Variants in B3GNT9 observed in about 807,000 individuals in gnomAD.
The protein encoded by B3GNT9 is UDP-GlcNAc:betaGal beta-1,3-N-acetylglucosaminyltransferase 9.
For synonymous variants in B3GNT9, 359 were observed against 283.9 expected (o/e 1.26, Z -2.66); for missense variants, 669 against 599.2 (o/e 1.12, Z -1.22).
In B3GNT9 at chr16:67,149,928, G is replaced by A. The variant is rs1237458249; in HGVS notation, c.558C>T (p.Ser186=). 1.9e-6 allele frequency: 3 copies of A among 1,595,906 alleles called. No individual in the cohort carries two copies. Among genetic ancestry groups the A allele is most frequent in the Non-Finnish European group, 2.6e-6 (3 of 1,171,384 alleles). Residue 186 remains serine (S), a synonymous_variant, in exon 2 of 2, where the codon AGC becomes AGT. Transcript: ENST00000449549. ...AGAGCAGGATGTCCGCATACGCAAG[G>A]CTCTCGGCCCGCAGCAGGGCGCGCC... ...THWRALLRAE[S]LAYADILLWA... is the part of the protein sequence containing the mutation.
In B3GNT9 at chr16:67,149,489, G is replaced by T. The variant is rs2145902793; in HGVS notation, c.997C>A (p.His333Asn). 1 of 1,608,596 alleles carries T rather than the reference G, an allele frequency of 6.2e-7. No homozygotes were observed. The highest frequency in any genetic ancestry group is 2.2e-5 in the East Asian group (1 of 44,594). ...ATGCCAAAGGTGCGGAAGGCAGGGT[G>T]AGGCTCGGGCGTGAGCCGCAGGCGC... ...LQRLRLTPEP[H>N]PAFRTFGIPQ... The change falls in exon 2 of 2, where the codon CAC (histidine) becomes AAC (asparagine). Residue 333 changes from histidine to asparagine, a missense_variant. Coordinates refer to ENST00000449549, the MANE Select transcript of B3GNT9 (RefSeq NM_033309.3).
rs2030402051 is a variant in B3GNT9, at chr16:67,150,018, C to T, written c.468G>A (p.Leu156=). The part of the protein sequence containing the change: ...QGALVRRVFL[L]GVPRGAGSGG... ...CCGAGCCTGCGCCCCTGGGCACGCC[C>T]AGCAAGAACACGCGGCGCACCAGCG... Residue 156 remains leucine, a synonymous_variant, in exon 2 of 2, where the codon CTG becomes CTA. Transcript: ENST00000449549. 2 of 1,523,780 alleles carry T rather than the reference C, an allele frequency of 1.3e-6. No individual in the cohort carries two copies. The highest frequency in any genetic ancestry group is 2.8e-5 in the African/African-American group (2 of 71,306). The allele number at this position is 1,523,780 out of a possible 1,614,324, so 94.4% of individuals were successfully genotyped here.
In B3GNT9 at chr16:67,149,743, G is replaced by A. The variant is rs1265439111; in HGVS notation, c.743C>T (p.Pro248Leu). 1 of 1,613,712 alleles carries A rather than the reference G, an allele frequency of 6.2e-7. No homozygotes were observed. The highest frequency in any genetic ancestry group is 1.3e-5 in the African/African-American group (1 of 75,056). Reference sequence around the variant, plus strand: ...GTCACCAGCAAGCAGGTCTTGCGCCGGGTCCCGCGGCGCCAGGAACTCCAG... The same window carrying A: ...GTCACCAGCAAGCAGGTCTTGCGCCAGGTCCCGCGGCGCCAGGAACTCCAG... ...NLLEFLAPRDPAQDLLAGDVI... is the reference protein window; with the variant it reads ...NLLEFLAPRDLAQDLLAGDVI... The change falls in exon 2 of 2, where the codon CCG becomes CTG. Residue 248 changes from proline (P) to leucine (L), a missense_variant. Coordinates refer to ENST00000449549, the MANE Select transcript of B3GNT9 (RefSeq NM_033309.3).
chr16:67,150,352 GC>G lies in B3GNT9; in HGVS notation c.133del (p.Ala45ArgfsTer160). On this transcript the variant is annotated frameshift_variant, in exon 2 of 2. Transcript: ENST00000449549. LOFTEE classifies it low-confidence loss of function (END_TRUNC). Reference protein sequence around the residue: ...TASAPRGRGRAAPRPTPGPRA... With the variant: ...TASAPRGRGRXAPRPTPGPRA... ...GGGTCCGGGGGTGGGCCTCGGTGCCGCCCTCCCTCGCCCTCGCGGCGCGCTC... is the reference window on the plus strand; with the variant it reads ...GGGTCCGGGGGTGGGCCTCGGTGCCGCCTCCCTCGCCCTCGCGGCGCGCTC... The G allele has an allele frequency of 7.4e-7, 1 of 1,351,216 alleles. No homozygotes were observed. The highest frequency in any genetic ancestry group is 9.5e-7 in the Non-Finnish European group (1 of 1,052,124). 83.7% of individuals were successfully genotyped at this position (1,351,216 alleles called of 1,614,324 possible). A position where few individuals can be genotyped will look rare whatever the true frequency, so the allele number is the denominator to read the frequency against.
rs756113022 is a variant in B3GNT9, at chr16:67,148,639, C to A, written c.*638G>T. 1 of 152,230 alleles carries A rather than the reference C, an allele frequency of 6.6e-6. No individual in the cohort carries two copies. Among genetic ancestry groups the A allele is most frequent in the Non-Finnish European group, 1.5e-5 (1 of 68,070 alleles). 9.4% of individuals were successfully genotyped at this position (152,230 alleles called of 1,614,324 possible). On this transcript the variant is annotated 3_prime_UTR_variant, in exon 2 of 2. Transcript: ENST00000449549. ...CAGGGGAAGACATTCCTTGGCTCCT[C>A]TGAGGGGATACAGCCTCCAGTGGGA... is the stretch of plus-strand genomic sequence containing the variant.
At position 67,150,000 on chromosome 16, in the gene B3GNT9, T is replaced by TGCGCCCCTGGGC; in HGVS notation, c.474_485dup (p.Pro159_Ala162dup). 3 of 1,534,012 alleles carry TGCGCCCCTGGGC rather than the reference T, an allele frequency of 2.0e-6. No homozygotes were observed. The highest frequency in any genetic ancestry group is 2.6e-6 in the Non-Finnish European group (3 of 1,139,572). On this transcript the variant is annotated inframe_insertion, in exon 2 of 2. Transcript: ENST00000449549. ...CAACTTCGTCGGCCCCGCCCGAGCC[T>TGCGCCCCTGGGC]GCGCCCCTGGGCACGCCCAGCAAGA...
Position 67,148,702 on chromosome 16 carries a change from G to C in B3GNT9, c.*575C>G, listed in dbSNP as rs908514321. On this transcript the variant is annotated 3_prime_UTR_variant, in exon 2 of 2. Transcript: ENST00000449549. Reference sequence around the variant, plus strand: ...TGTGTGAGTTCAGGAGGTGAGGAAAGACTAGGTAGGACCGTGCACTCATTT... The same window carrying C: ...TGTGTGAGTTCAGGAGGTGAGGAAACACTAGGTAGGACCGTGCACTCATTT... 11 of 152,260 alleles carry C rather than the reference G, an allele frequency of 7.2e-5. No homozygotes were observed. Among genetic ancestry groups the C allele is most frequent in the African/African-American group, 2.7e-4 (11 of 41,436 alleles). 9.4% of individuals were successfully genotyped at this position (152,260 alleles called of 1,614,324 possible).
rs2030439925 is a variant in B3GNT9, at chr16:67,150,509, T to TCCCC, written c.-28_-25dup. On this transcript the variant is annotated 5_prime_UTR_variant, in exon 2 of 2. Transcript: ENST00000449549. ...ATCTCCGCGCGGCCTGCGCCCTCCC[T>TCCCC]CCCCTGTAAGGGTCGCAGTCGGCAG... 2 of 1,274,218 alleles carry TCCCC rather than the reference T, an allele frequency of 1.6e-6. No individual in the cohort carries two copies. The highest frequency in any genetic ancestry group is 3.0e-4 in the Middle Eastern group (1 of 3,312). 78.9% of individuals were successfully genotyped at this position (1,274,218 alleles called of 1,614,324 possible).
Position 67,149,957 on chromosome 16 carries a change from G to A in B3GNT9, c.529C>T (p.His177Tyr), listed in dbSNP as rs745761887. 11 of 1,560,194 alleles carry A rather than the reference G, an allele frequency of 7.1e-6. No individual in the cohort carries two copies. The South Asian group carries it at 1.1e-4, about 15-fold the overall frequency. Residue 177 changes from histidine to tyrosine, a missense_variant, in exon 2 of 2, where the codon CAC becomes TAC. Physicochemically the swap from His to Tyr is moderately conservative, Grantham distance 83. Coordinates refer to ENST00000449549, the MANE Select transcript of B3GNT9 (RefSeq NM_033309.3). ...TCGGCCCGCAGCAGGGCGCGCCAGT[G>A]GGTTCGCGCGCCCTCCCCAACTTCG... ...ADEVGEGART[H>Y]WRALLRAESL...
chr16:67,149,993 C>T lies in B3GNT9; in HGVS notation c.493G>A (p.Gly165Ser). ...CCCTCCCCAACTTCGTCGGCCCCGC[C>T]CGAGCCTGCGCCCCTGGGCACGCCC... is the stretch of plus-strand genomic sequence containing the variant. ...LLGVPRGAGSGGADEVGEGAR... is the reference protein window; with the variant it reads ...LLGVPRGAGSSGADEVGEGAR... The change falls in exon 2 of 2, where the codon GGC (glycine) becomes AGC (serine). Residue 165 changes from glycine to serine, a missense_variant. Coordinates refer to ENST00000449549, the MANE Select transcript of B3GNT9 (RefSeq NM_033309.3). 6.5e-7 allele frequency: 1 copy of T among 1,536,616 alleles called. No homozygotes were observed. Among genetic ancestry groups the T allele is most frequent in the Non-Finnish European group, 8.8e-7 (1 of 1,140,502 alleles).
rs757701157 is a variant in B3GNT9, at chr16:67,150,272, T to C, written c.214A>G (p.Thr72Ala). 1 of 1,469,940 alleles carries C rather than the reference T, an allele frequency of 6.8e-7. No homozygotes were observed. The highest frequency in any genetic ancestry group is 1.5e-5 in the African/African-American group (1 of 68,166). 91.1% of individuals were successfully genotyped at this position (1,469,940 alleles called of 1,614,324 possible). Residue 72 changes from threonine (T) to alanine (A), a missense_variant, in exon 2 of 2, where the codon ACA becomes GCA. Transcript: ENST00000449549. ...CCCGTAGGCGTGGGCGGCGCCGGTG[T>C]GTCCCCTTCGTAGGCCGGCGGGGCT... ...GAAPPAYEGD[T>A]PAPPTPTGPF...
chr16:67,150,206 G>A lies in B3GNT9; in HGVS notation c.280C>T (p.Arg94Trp). ...TGGTTAATGAGCAGTGGAAACCGCC[G>A]CTGGTCCTTGGCGCGCAAATAGCGG... ...FARYLRAKDQ[R>W]RFPLLINQPH... The change falls in exon 2 of 2, where the codon CGG (arginine) becomes TGG (tryptophan). Residue 94 changes from arginine to tryptophan, a missense_variant. Arg to Trp is a moderately radical substitution (Grantham distance 101, BLOSUM62 -3). Coordinates refer to ENST00000449549, the MANE Select transcript of B3GNT9 (RefSeq NM_033309.3). 6.4e-7 allele frequency: 1 copy of A among 1,556,106 alleles called. No individual in the cohort carries two copies. The highest frequency in any genetic ancestry group is 8.7e-7 in the Non-Finnish European group (1 of 1,153,816).
Position 67,149,596 on chromosome 16 carries a change from G to A in B3GNT9, c.890C>T (p.Ala297Val), listed in dbSNP as rs777899828. Residue 297 changes from alanine (A) to valine (V), a missense_variant, in exon 2 of 2, where the codon GCC becomes GTC. Physicochemically the swap from Ala to Val is moderately conservative, Grantham distance 64. Coordinates refer to ENST00000449549, the MANE Select transcript of B3GNT9 (RefSeq NM_033309.3). ...GGCGCCAGCCAGGCGGTGCAGCGTG[G>A]CCCCGGAAAGCACAAAGCCACCGCC... ...AGGGGFVLSG[A>V]TLHRLAGACA... 1.9e-6 allele frequency: 3 copies of A among 1,598,832 alleles called. No homozygotes were observed. The highest frequency in any genetic ancestry group is 2.6e-6 in the Non-Finnish European group (3 of 1,173,214).
Position 67,149,933 on chromosome 16 carries a change from C to CAG in B3GNT9, c.552_553insCT (p.Glu185LeufsTer21). 6.3e-7 allele frequency: 1 copy of CAG among 1,590,524 alleles called. No homozygotes were observed. The highest frequency in any genetic ancestry group is 8.6e-7 in the Non-Finnish European group (1 of 1,168,816). Reference sequence around the variant, plus strand: ...AGGATGTCCGCATACGCAAGGCTCTCGGCCCGCAGCAGGGCGCGCCAGTGG... The same window carrying CAG: ...AGGATGTCCGCATACGCAAGGCTCTCAGGGCCCGCAGCAGGGCGCGCCAGTGG... On this transcript the variant is annotated frameshift_variant, in exon 2 of 2. Coordinates refer to ENST00000449549, the MANE Select transcript of B3GNT9 (RefSeq NM_033309.3). LOFTEE classifies it low-confidence loss of function (END_TRUNC).
Position 67,150,449 on chromosome 16 carries a change from G to A in B3GNT9, c.37C>T (p.Leu13Phe). 7.4e-7 allele frequency: 1 copy of A among 1,344,450 alleles called. No individual in the cohort carries two copies. Among genetic ancestry groups the A allele is most frequent in the Non-Finnish European group, 9.5e-7 (1 of 1,050,912 alleles). The allele number at this position is 1,344,450 out of a possible 1,614,324, so 83.3% of individuals were successfully genotyped here. A position where few individuals can be genotyped will look rare whatever the true frequency, so the allele number is the denominator to read the frequency against. The change falls in exon 2 of 2, where the codon CTC (leucine) becomes TTC (phenylalanine). Residue 13 changes from leucine to phenylalanine, a missense_variant. Coordinates refer to ENST00000449549, the MANE Select transcript of B3GNT9 (RefSeq NM_033309.3). Reference protein sequence around the residue: ...RRLRLRRDALLTLLLGASLGL... With the variant: ...RRLRLRRDALFTLLLGASLGL... ...AGGGAGGCGCCAAGGAGCAGCGTGAGCAATGCGTCCCTGCGTAGGCGCAGC... is the reference window on the plus strand; with the variant it reads ...AGGGAGGCGCCAAGGAGCAGCGTGAACAATGCGTCCCTGCGTAGGCGCAGC...
rs916098198 is a variant in B3GNT9, at chr16:67,148,820, T to A, written c.*457A>T. On this transcript the variant is annotated 3_prime_UTR_variant, in exon 2 of 2. Transcript: ENST00000449549. ...ATAATATCTGTTTTCAGATGAGCTA[T>A]GGCAAAGTGCCTGCCAGGTTCATGA... 3 of 156,402 alleles carry A rather than the reference T, an allele frequency of 1.9e-5. No individual in the cohort carries two copies. Among genetic ancestry groups the A allele is most frequent in the African/African-American group, 7.2e-5 (3 of 41,600 alleles). The allele number at this position is 156,402 out of a possible 1,614,324, so 9.7% of individuals were successfully genotyped here.
Position 67,150,477 on chromosome 16 carries a change from C to G in B3GNT9, c.9G>C (p.Arg3Ser). The change falls in exon 2 of 2, where the codon AGG becomes AGC. Residue 3 changes from arginine (R) to serine (S), a missense_variant. By Grantham distance (110) the Arg-to-Ser change is moderately radical. Coordinates refer to ENST00000449549, the MANE Select transcript of B3GNT9 (RefSeq NM_033309.3). ...ATGCGTCCCTGCGTAGGCGCAGCCT[C>G]CTCCTCATCTCCGCGCGGCCTGCGC... Reference protein sequence around the residue: MRRRLRLRRDALL... With the variant: MRSRLRLRRDALL... The G allele has an allele frequency of 7.6e-7, 1 of 1,315,820 alleles. No homozygotes were observed. The highest frequency in any genetic ancestry group is 2.4e-5 in the South Asian group (1 of 42,402). The allele number at this position is 1,315,820 out of a possible 1,614,324, so 81.5% of individuals were successfully genotyped here.
Position 67,149,134 on chromosome 16 carries a change from A to G in B3GNT9, c.*143T>C. On this transcript the variant is annotated 3_prime_UTR_variant, in exon 2 of 2. Coordinates refer to ENST00000449549, the MANE Select transcript of B3GNT9 (RefSeq NM_033309.3). Reference sequence around the variant, plus strand: ...ACTGGTTCCAGCAGGGTGGACCGCCAGGAGCCAAGCTTAACCCCCATCCCC... The same window carrying G: ...ACTGGTTCCAGCAGGGTGGACCGCCGGGAGCCAAGCTTAACCCCCATCCCC... 2 of 1,410,900 alleles carry G rather than the reference A, an allele frequency of 1.4e-6. No individual in the cohort carries two copies. The highest frequency in any genetic ancestry group is 1.9e-6 in the Non-Finnish European group (2 of 1,080,544). The allele number at this position is 1,410,900 out of a possible 1,614,324, so 87.4% of individuals were successfully genotyped here. A position where few individuals can be genotyped will look rare whatever the true frequency, so the allele number is the denominator to read the frequency against.
Position 67,149,828 on chromosome 16 carries a change from G to C in B3GNT9, c.658C>G (p.Pro220Ala). Residue 220 changes from proline (P) to alanine (A), a missense_variant, in exon 2 of 2, where the codon CCC becomes GCC. By Grantham distance (27) the Pro-to-Ala change is conservative. Transcript: ENST00000449549. ...CCCTTAAAAACGAAGCGCACGTCGG[G>C]GCAGAAAGCTGAGGCCCAGGCTAGA... ...HFLAWASAFCPDVRFVFKGDA... is the reference protein window; with the variant it reads ...HFLAWASAFCADVRFVFKGDA... 6.2e-7 allele frequency: 1 copy of C among 1,613,798 alleles called. No homozygotes were observed. Among genetic ancestry groups the C allele is most frequent in the South Asian group, 1.1e-5 (1 of 91,056 alleles).
Sources: allele counts gnomAD v4.1 joint callset, GRCh38; gene constraint gnomAD v4.1.1; transcripts MANE v1.5; gene names NCBI Gene and HGNC (gene_info 2026-07-23, HGNC 2026-07-21).